PROZ: variants seen among roughly 807,000 people sequenced by gnomAD.
PROZ encodes the protein vitamin K-dependent protein Z.
In PROZ, 46 loss-of-function variants were observed where a neutral mutation model predicts 34.9. The ratio of observed to expected loss-of-function variants is 1.32; its 90% CI spans 1.04 to 1.69. The LOEUF is 1.69. PROZ is among the 40% of genes most tolerant of loss of function. The pLI, the probability that PROZ is intolerant of heterozygous loss-of-function variation, is 0.00. For missense variants in PROZ, 530 were observed against 520.4 expected, an observed-to-expected ratio of 1.02 and a Z score of -0.18; for synonymous variants, 195 against 208.5, an observed-to-expected ratio of 0.94 and a Z score of 0.56.
chr13:113,168,382 G>A (rs2037009654), intron 6 of PROZ, among the ~76,000 whole-genome samples: 1 of 152,144 alleles, frequency 6.6e-6, no homozygotes, highest in South Asian at 2.1e-4. Flanking sequence ...TTTGTCTGGA[G>A]GAGTCTTTGT....
chr13:113,166,333 G>A (rs950878197), intron 6 of PROZ: 5 of 152,218 alleles, frequency 3.3e-5, no homozygotes, highest in Non-Finnish European at 7.3e-5. Context: ...GGAATCTGGT[G>A]TGAATTTACA....
rs758287216 is a variant in PROZ, at chr13:113,164,591, G to GCTGT, written c.453_456dup (p.Ala153LeufsTer9). Reference sequence around the variant, plus strand: ...CCAGGACAGGAATCCTACACATGCAGCTGTGCTCAGGGCTACAGGCTTGGT... The same window carrying GCTGT: ...CCAGGACAGGAATCCTACACATGCAGCTGTCTGTGCTCAGGGCTACAGGCTTGGT... On this transcript the variant is annotated frameshift_variant, in exon 5 of 8. Transcript: ENST00000375547. LOFTEE classifies it high-confidence loss of function. 1 of 1,613,824 alleles carries GCTGT rather than the reference G, an allele frequency of 6.2e-7. No individual in the cohort carries two copies. The highest frequency in any genetic ancestry group is 8.5e-7 in the Non-Finnish European group (1 of 1,180,000).
At chr13:113,165,881 C>T (rs2036915815) in intron 6 of PROZ, among the ~76,000 whole-genome samples, 1 of 152,196 alleles carries the variant, frequency 6.6e-6, no homozygotes, top group African/African-American at 2.4e-5. Flanking sequence ...ACATAAACAT[C>T]CATATTTAGC....
At chr13:113,165,224 G>A (rs745799367) in intron 6 of PROZ, 104 bp downstream of exon 6, 418 of 1,199,894 alleles carry the variant, frequency 3.5e-4, no homozygotes, top group Non-Finnish European at 4.9e-4. Context: ...CAGGCATCCT[G>A]ACTTTGATGG....
rs762741239 is a variant in PROZ, at chr13:113,170,378, CA to C, written c.574-34del. ...TACTGCCCCTAATCCTGCAAATTGT[CA>C]CCAGCTATTTATTGTCTGTTTTGAT... On this transcript the variant is annotated intron_variant, in intron 6 of 7. Transcript: ENST00000375547. 9.9e-6 allele frequency: 13 copies of C among 1,313,968 alleles called. No individual in the cohort carries two copies. The East Asian group carries it at 2.5e-4, about 26-fold the overall frequency. The allele number at this position is 1,313,968 out of a possible 1,614,324, so 81.4% of individuals were successfully genotyped here. A position where few individuals can be genotyped will look rare whatever the true frequency, so the allele number is the denominator to read the frequency against.
rs746998985 is a variant in PROZ at position 113,164,655 on chromosome 13, A to G, written c.505+11A>G. 1.9e-6 allele frequency: 3 copies of G among 1,613,202 alleles called. 1 individual carries two copies. In the African/African-American group the frequency reaches 4.0e-5, roughly 22 times the overall value. ...AGTGTGTGCCCCACGGTGAGTGCTCAGACCACAGCGGCCTCCAGCTTCCAA... is the reference window on the plus strand; with the variant it reads ...AGTGTGTGCCCCACGGTGAGTGCTCGGACCACAGCGGCCTCCAGCTTCCAA... On this transcript the variant is annotated intron_variant, in intron 5 of 7. Coordinates refer to ENST00000375547, the MANE Select transcript of PROZ (RefSeq NM_003891.3).
rs1289290565 is a variant in PROZ, at chr13:113,164,082, T to C, written c.374-431T>C. On this transcript the variant is annotated intron_variant, in intron 4 of 7. Transcript: ENST00000375547. The stretch of plus-strand genomic sequence containing the variant: ...CAACCTTTTGCCTCCTGGGTTCAAG[T>C]GATTCTCCTGCCTCAGCCTCCCGAG... Among the ~76,000 whole-genome samples, 3 of 151,762 alleles carry C rather than the reference T, an allele frequency of 2.0e-5. No homozygotes were observed. The East Asian group carries it at 5.8e-4, about 30-fold the overall frequency.
Position 113,164,539 on chromosome 13 carries a change from A to C in PROZ, c.400A>C (p.Thr134Pro), listed in dbSNP as rs1167098449. The C allele has an allele frequency of 1.9e-6, 3 of 1,612,660 alleles. No homozygotes were observed. ...TAAAAATGAATGTCACCCAGAGCGG[A>C]CTGATGGGTGTCAACACTTCTGCCT... ...LAKNECHPERTDGCQHFCLPG... is the reference protein window; with the variant it reads ...LAKNECHPERPDGCQHFCLPG... The change falls in exon 5 of 8, where the codon ACT (threonine) becomes CCT (proline). Residue 134 changes from threonine to proline, a missense_variant. Physicochemically the swap from Thr to Pro is conservative, Grantham distance 38. Coordinates refer to ENST00000375547, the MANE Select transcript of PROZ (RefSeq NM_003891.3).
Position 113,164,516 on chromosome 13 carries a change from A to G in PROZ, c.377A>G (p.Lys126Arg), listed in dbSNP as rs1288925441. 1.9e-6 allele frequency: 3 copies of G among 1,613,764 alleles called. No individual in the cohort carries two copies. Among genetic ancestry groups the G allele is most frequent in the Non-Finnish European group, 2.5e-6 (3 of 1,179,994 alleles). ...CTTTTTTTTTTTTCCTTTTCAGCTA[A>G]AAATGAATGTCACCCAGAGCGGACT... ...GYEGSNCELA[K>R]NECHPERTDG... is the part of the protein sequence containing the mutation. The change falls in exon 5 of 8, where the codon AAA becomes AGA. Residue 126 changes from lysine (K) to arginine (R), a missense_variant. Physicochemically the swap from Lys to Arg is conservative, Grantham distance 26 (BLOSUM62 2). Coordinates refer to ENST00000375547, the MANE Select transcript of PROZ (RefSeq NM_003891.3).
chr13:113,170,034 A>G (rs2037062592), intron 6 of PROZ, among the ~76,000 whole-genome samples: 1 of 152,168 alleles, frequency 6.6e-6, no homozygotes, highest in Non-Finnish European at 1.5e-5. Flanking sequence ...CCTGCTCTGC[A>G]CCATGGAAAT....
chr13:113,164,074 G>A (rs1405741057), intron 4 of PROZ, among the ~76,000 whole-genome samples: 1 of 151,662 alleles, frequency 6.6e-6, no homozygotes, highest in Non-Finnish European at 1.5e-5. Context: ...TTGCCTCCTG[G>A]GTTCAAGTGA....
At chr13:113,161,592 G>A (rs1165988228) in intron 3 of PROZ, among the ~76,000 whole-genome samples, 1 of 152,156 alleles carries the variant, frequency 6.6e-6, no homozygotes, top group Non-Finnish European at 1.5e-5. Context: ...AAGGGCTGAT[G>A]GGGCGGGACA....
rs376693404 is a variant in PROZ, at chr13:113,165,138, G to A, written c.573+18G>A. On this transcript the variant is annotated intron_variant, in intron 6 of 7. Coordinates refer to ENST00000375547, the MANE Select transcript of PROZ (RefSeq NM_003891.3). ...CGTGGCAGGTAACAGAGCGCTCTCC[G>A]CGTGCTTCAATTTATTGTTATGACT... is the stretch of plus-strand genomic sequence containing the variant. 140 of 1,605,372 alleles carry A rather than the reference G, an allele frequency of 8.7e-5. No homozygotes were observed. Among genetic ancestry groups the A allele is most frequent in the African/African-American group, 1.7e-4 (13 of 74,908 alleles).
intron 3 of PROZ, 57 bp from the exon 4 acceptor site, chr13:113,162,952 C>A: frequency 8.9e-6 from 10 of 1,118,936 alleles, no homozygotes; most frequent in Admixed American, 2.0e-5. Context: ...CCACCCTCCT[C>A]CTGCTCAGGT....
At chr13:113,166,092 T>C (rs2036923553) in intron 6 of PROZ, 1 of 152,270 alleles carries the variant, frequency 6.6e-6, no homozygotes, top group Non-Finnish European at 1.5e-5. Context: ...TTTCCTTGCC[T>C]TTCAGGCCTC....
At position 113,163,114 on chromosome 13, in the gene PROZ, G is replaced by C. The variant is rs2036794107; in HGVS notation, c.365G>C (p.Cys122Ser). The change falls in exon 4 of 8, where the codon TGC (cysteine) becomes TCC (serine). Residue 122 changes from cysteine (C) to serine (S), a missense_variant. Transcript: ENST00000375547. ...TCSPGYEGSN[C>S]ELAKNECHPE... ...TCCCCCGGCTATGAGGGCAGCAACTGCGAGCTGGGTGAGGCCCCGGCCGTC... is the reference window on the plus strand; with the variant it reads ...TCCCCCGGCTATGAGGGCAGCAACTCCGAGCTGGGTGAGGCCCCGGCCGTC... The C allele has an allele frequency of 6.4e-7, 1 of 1,552,430 alleles. No individual in the cohort carries two copies. The highest frequency in any genetic ancestry group is 1.4e-5 in the African/African-American group (1 of 73,152).
At chr13:113,161,380 C>T (rs1254578612) in intron 3 of PROZ, among the ~76,000 whole-genome samples, 2 of 152,108 alleles carry the variant, frequency 1.3e-5, no homozygotes, top group Non-Finnish European at 2.9e-5. Context: ...GGTTAGGAGA[C>T]TCCTCCCAAG....
chr13:113,159,938 G>C lies in PROZ; in HGVS notation c.71-76G>C. ...ACGGGGCTGGGGCTGGCGGCCGGCC[G>C]GGGAGGAAGCCAGGCAGCTCTGGAA... On this transcript the variant is annotated intron_variant, in intron 1 of 7. Coordinates refer to ENST00000375547, the MANE Select transcript of PROZ (RefSeq NM_003891.3). The surrounding 1 kb of genome is among the most constrained non-coding windows in gnomAD (Gnocchi z 4.6). 1 of 1,573,178 alleles carries C rather than the reference G, an allele frequency of 6.4e-7. No individual in the cohort carries two copies. The highest frequency in any genetic ancestry group is 8.7e-7 in the Non-Finnish European group (1 of 1,145,190).
rs2036732323 is a variant in PROZ, at chr13:113,159,944, G to C, written c.71-70G>C. On this transcript the variant is annotated intron_variant, in intron 1 of 7. Transcript: ENST00000375547. This position sits in a 1 kb window ranked among gnomAD's most constrained non-coding sequence, Gnocchi z 4.6. ...CTGGGGCTGGCGGCCGGCCGGGGAG[G>C]AAGCCAGGCAGCTCTGGAAAGCAGG... 6.3e-7 allele frequency: 1 copy of C among 1,588,012 alleles called. No individual in the cohort carries two copies. Among genetic ancestry groups the C allele is most frequent in the Non-Finnish European group, 8.6e-7 (1 of 1,158,192 alleles).
Sources: allele counts gnomAD v4.1 joint callset (sites outside exome capture counted in the v4.1 genomes callset), GRCh38; gene constraint gnomAD v4.1.1; non-coding constraint Gnocchi (gnomAD v3.1); transcripts MANE v1.5; gene names NCBI Gene and HGNC (gene_info 2026-07-23, HGNC 2026-07-21).